Variants in EXOC4 observed in about 807,000 individuals in gnomAD.
EXOC4 encodes exocyst complex component 4, also known as SEC8-like 1.
EXOC4 carries 71 observed loss-of-function variants against 107.2 expected under a neutral mutation model. The observed-to-expected ratio is 0.66, with a 90% CI of 0.55 to 0.81. The LOEUF (loss-of-function observed/expected upper bound fraction) is 0.81, where lower values mean the gene tolerates loss of function less well. EXOC4 is among the 30% of genes least tolerant of loss of function. The pLI is 0.00. For missense variants in EXOC4, 1,108 were observed against 1,189.6 expected (o/e 0.93, Z 1.01); for synonymous variants, 456 against 441.2 (o/e 1.03, Z -0.42).
chr7:133,676,961 G>GTGTGTGTGTGTA (rs1562903346), intron 10 of EXOC4, among the ~76,000 whole-genome samples: 1 of 149,564 alleles, frequency 6.7e-6, no homozygotes, highest in South Asian at 2.1e-4. Context: ...GTGTGTATGT[G>GTGTGTGTGTGTA]TGTGTGTGTG....
intron 10 of EXOC4, among the ~76,000 whole-genome samples, chr7:133,671,145 C>T (rs1793936268): frequency 1.3e-5 from 2 of 152,138 alleles, no homozygotes; most frequent in African/African-American, 4.8e-5. Flanking sequence ...AGAGAGATGC[C>T]AGGGCAAGAT....
intron 9 of EXOC4, among the ~76,000 whole-genome samples, chr7:133,538,255 TTCATTATCGG>T (rs1800311746): frequency 6.6e-6 from 1 of 152,200 alleles, no homozygotes; most frequent in South Asian, 2.1e-4. Flanking sequence ...TTGCTGTTCT[TTCATTATCGG>T]TCATCCTTCA....
intron 3 of EXOC4, among the ~76,000 whole-genome samples, chr7:133,301,239 T>C (rs1794634933): frequency 6.6e-6 from 1 of 152,228 alleles, no homozygotes; most frequent in Non-Finnish European, 1.5e-5. Context: ...ACCTGGGCAC[T>C]AAGTAAATCT....
intron 9 of EXOC4, among the ~76,000 whole-genome samples, chr7:133,512,632 G>T (rs1441517969): frequency 6.6e-6 from 1 of 151,712 alleles, no homozygotes; most frequent in African/African-American, 2.4e-5. Flanking sequence ...AAAGAAGGTA[G>T]CGTAGTGAGG....
intron 9 of EXOC4, among the ~76,000 whole-genome samples, chr7:133,535,438 T>C (rs969020840): frequency 2.0e-5 from 3 of 152,148 alleles, no homozygotes; most frequent in African/African-American, 7.2e-5. Context: ...ACCTGGAAGT[T>C]TACAATCCTA....
At chr7:133,954,337 G>C (rs1387066365) in intron 14 of EXOC4, among the ~76,000 whole-genome samples, 1 of 152,182 alleles carries the variant, frequency 6.6e-6, no homozygotes, top group African/African-American at 2.4e-5. Context: ...TTATTAACAT[G>C]AACCTTGCTC....
At chr7:134,016,915 C>T (rs1280717039) in intron 17 of EXOC4, among the ~76,000 whole-genome samples, 2 of 152,300 alleles carry the variant, frequency 1.3e-5, no homozygotes, top group East Asian at 3.9e-4. Flanking sequence ...TCTGTGGTCT[C>T]CTAAATCTCC....
intron 5 of EXOC4, among the ~76,000 whole-genome samples, chr7:133,330,256 G>A (rs2150603096): frequency 6.6e-6 from 1 of 152,140 alleles, no homozygotes; most frequent in East Asian, 1.9e-4. Context: ...CTCAGCAATG[G>A]CAGACGCCCC....
intron 10 of EXOC4, among the ~76,000 whole-genome samples, chr7:133,720,203 T>C (rs1795079859): frequency 6.6e-6 from 1 of 152,206 alleles, no homozygotes; most frequent in Non-Finnish European, 1.5e-5. Flanking sequence ...AAGGATTATG[T>C]TCTGGCCTTG....
chr7:134,041,816 G>A (rs1022166742), intron 17 of EXOC4, among the ~76,000 whole-genome samples: 1 of 152,118 alleles, frequency 6.6e-6, no homozygotes, highest in Non-Finnish European at 1.5e-5. Flanking sequence ...TATTTAACTG[G>A]ATTTAAAGGG....
At chr7:133,686,571 G>A (rs558067960) in intron 10 of EXOC4, among the ~76,000 whole-genome samples, 1 of 152,256 alleles carries the variant, frequency 6.6e-6, no homozygotes, top group East Asian at 1.9e-4. Context: ...GACATGGACA[G>A]TTCTCAAAAG....
At chr7:134,029,468 G>A (rs1450361002) in intron 17 of EXOC4, among the ~76,000 whole-genome samples, 5 of 151,986 alleles carry the variant, frequency 3.3e-5, no homozygotes. Flanking sequence ...AAAGGATATA[G>A]GGTTTCTTTT....
At chr7:133,740,001 A>G (rs1167379119) in intron 10 of EXOC4, among the ~76,000 whole-genome samples, 1 of 152,200 alleles carries the variant, frequency 6.6e-6, no homozygotes, top group Admixed American at 6.5e-5. Flanking sequence ...AGCAAAATTA[A>G]GAGTAAAGAA....
At chr7:133,968,943 T>G (rs1801136317) in intron 14 of EXOC4, among the ~76,000 whole-genome samples, 1 of 152,212 alleles carries the variant, frequency 6.6e-6, no homozygotes, top group Non-Finnish European at 1.5e-5. Context: ...GTTTTCCAAC[T>G]TGGTTCCATT....
chr7:133,754,832 A>G (rs1424087259), intron 10 of EXOC4, among the ~76,000 whole-genome samples: 2 of 152,190 alleles, frequency 1.3e-5, no homozygotes, highest in East Asian at 3.8e-4. Context: ...AAGCTCTTCA[A>G]AGGGACTAAA....
chr7:133,688,013 T>A (rs553891575), intron 10 of EXOC4, among the ~76,000 whole-genome samples: 1 of 152,292 alleles, frequency 6.6e-6, no homozygotes, highest in South Asian at 2.1e-4. Flanking sequence ...TTAGAGAACA[T>A]CTATATTTGC....
chr7:133,809,174 A>G (rs1276576713), intron 10 of EXOC4, among the ~76,000 whole-genome samples: 1 of 152,192 alleles, frequency 6.6e-6, no homozygotes, highest in East Asian at 1.9e-4. Flanking sequence ...AATCAAAGGT[A>G]CAGAATTCTG....
intron 5 of EXOC4, among the ~76,000 whole-genome samples, chr7:133,338,602 A>AAG: frequency 6.9e-6 from 1 of 144,756 alleles, no homozygotes; most frequent in East Asian, 2.0e-4. Context: ...TCCGTCTCAA[A>AAG]AAAAAAAAAA....
intron 9 of EXOC4, among the ~76,000 whole-genome samples, chr7:133,562,106 A>G (rs776689326): frequency 3.0e-4 from 45 of 152,182 alleles, no homozygotes; most frequent in Non-Finnish European, 5.9e-4. Flanking sequence ...GTGGTACATC[A>G]TTTTGCTTAA....
Sources: gnomAD v4.1 joint callset for allele counts (sites outside exome capture counted in the v4.1 genomes callset) on GRCh38, gnomAD v4.1.1 for gene constraint, MANE v1.5 for transcripts, NCBI Gene and HGNC (gene_info 2026-07-23, HGNC 2026-07-21) for gene names.